The following EVL variants were observed in gnomAD, a reference collection of about 807,000 sequenced individuals.
EVL encodes the protein ena/VASP-like protein.
In EVL, 21 loss-of-function variants were observed where a neutral mutation model predicts 59.6. The ratio of observed to expected loss-of-function variants is 0.35; its 90% CI spans 0.25 to 0.51. The LOEUF (loss-of-function observed/expected upper bound fraction) is 0.51. Ranked by LOEUF, EVL falls within the 20% of genes least tolerant of loss-of-function variation. The pLI is 0.97. For synonymous variants in EVL, 198 were observed against 203.5 expected, an observed-to-expected ratio of 0.97 and a Z score of 0.23; for missense variants, 462 against 546.6, an observed-to-expected ratio of 0.85 and a Z score of 1.54.
intron 11 of EVL, chr14:100,140,777 TC>T (rs1889119174): frequency 6.1e-6 from 1 of 164,862 alleles, no homozygotes; most frequent in Non-Finnish European, 1.3e-5. Flanking sequence ...CGCTGCTGCT[TC>T]CCCGAGCCCC....
chr14:99,977,797 C>T (rs953329365), intron 1 of EVL, among the ~76,000 whole-genome samples: 9 of 151,738 alleles, frequency 5.9e-5, no homozygotes, highest in African/African-American at 2.2e-4. Flanking sequence ...TCTTTGGGAT[C>T]TAAAAAAGTC....
At chr14:100,020,091 G>A (rs2061094677) in intron 1 of EVL, among the ~76,000 whole-genome samples, 1 of 152,186 alleles carries the variant, frequency 6.6e-6, no homozygotes, top group African/African-American at 2.4e-5. Flanking sequence ...GCTGATTGTA[G>A]CAGTGAAGGT....
In EVL at chr14:100,127,927, C is replaced by T. The variant is rs982403868; in HGVS notation, c.488-592C>T. On this transcript the variant is annotated intron_variant, in intron 5 of 13. Transcript: ENST00000392920. This position sits in a 1 kb window ranked among gnomAD's most constrained non-coding sequence, Gnocchi z 4.2. Reference sequence around the variant, plus strand: ...GAGCAGAGAGCTTGTGGCTGGTTTTCCTCAGCACCATACCCAGCACCTAGC... The same window carrying T: ...GAGCAGAGAGCTTGTGGCTGGTTTTTCTCAGCACCATACCCAGCACCTAGC... 6.6e-6 allele frequency among the ~76,000 whole-genome samples: 1 copy of T among 152,236 alleles called. No homozygotes were observed.
At chr14:100,118,545 G>T (rs1401947159) in intron 3 of EVL, among the ~76,000 whole-genome samples, 1 of 152,218 alleles carries the variant, frequency 6.6e-6, no homozygotes, top group Admixed American at 6.5e-5. Context: ...CCAAACGCCT[G>T]TAGTGTGTCC....
chr14:100,068,901 A>G (rs1347724752), intron 1 of EVL, among the ~76,000 whole-genome samples: 1 of 152,074 alleles, frequency 6.6e-6, no homozygotes, highest in Non-Finnish European at 1.5e-5. Context: ...TGGATGTGTG[A>G]TATGTCTGCC....
At chr14:100,031,649 T>C (rs1190983) in intron 1 of EVL, among the ~76,000 whole-genome samples, 93,798 of 152,010 alleles carry the variant, frequency 0.62, 32,406 homozygotes, top group Non-Finnish European at 0.76. Context: ...CACTGGGCTC[T>C]TCAGGGCATT....
At chr14:100,065,797 CATT>C (rs1027158889) in intron 1 of EVL, among the ~76,000 whole-genome samples, 1 of 152,160 alleles carries the variant, frequency 6.6e-6, no homozygotes, top group Admixed American at 6.5e-5. Context: ...ACCTGCCTCT[CATT>C]ATAGGGAGGA....
At chr14:99,990,541 C>G (rs567794445) in intron 1 of EVL, among the ~76,000 whole-genome samples, 36 of 152,228 alleles carry the variant, frequency 2.4e-4, no homozygotes, top group African/African-American at 8.7e-4. Context: ...TTTCTTCTTT[C>G]CGTTTCTATG....
intron 3 of EVL, among the ~76,000 whole-genome samples, chr14:100,115,057 CAA>C (rs1887248972): frequency 6.8e-6 from 1 of 147,374 alleles, no homozygotes; most frequent in African/African-American, 2.5e-5. Flanking sequence ...AAAAAAAAAA[CAA>C]TGCAGTTATG....
chr14:100,003,327 C>T (rs1036418368), intron 1 of EVL, among the ~76,000 whole-genome samples: 8 of 152,160 alleles, frequency 5.3e-5, no homozygotes, highest in Non-Finnish European at 1.5e-5. Context: ...ACCCAGGAGT[C>T]AAAGCCCTGT....
chr14:100,120,937 C>T (rs1022118837), intron 3 of EVL, among the ~76,000 whole-genome samples: 4 of 152,150 alleles, frequency 2.6e-5, no homozygotes, highest in Admixed American at 6.5e-5. Flanking sequence ...AACAAGACTC[C>T]GTTACCTAAC....
At chr14:100,055,196 T>TA (rs34987173) in intron 1 of EVL, among the ~76,000 whole-genome samples, 11,893 of 139,702 alleles carry the variant, frequency 0.085, 705 homozygotes, top group East Asian at 0.19. Context: ...TGAGACTCCT[T>TA]AAAAAAAAAA....
intron 1 of EVL, among the ~76,000 whole-genome samples, chr14:100,058,188 G>C (rs1466915027): frequency 1.3e-5 from 2 of 152,208 alleles, no homozygotes; most frequent in Admixed American, 1.3e-4. Flanking sequence ...TTCTAGTATA[G>C]CTCTGTGATT....
At chr14:100,129,891 T>G (rs1369242322) in intron 7 of EVL, among the ~76,000 whole-genome samples, 1 of 152,242 alleles carries the variant, frequency 6.6e-6, no homozygotes, top group African/African-American at 2.4e-5. Flanking sequence ...CTCCAGATCC[T>G]TCATTTTAGC....
At chr14:100,044,063 T>G (rs773688292) in intron 1 of EVL, among the ~76,000 whole-genome samples, 1 of 152,166 alleles carries the variant, frequency 6.6e-6, no homozygotes, top group Non-Finnish European at 1.5e-5. Context: ...GGAAACACCC[T>G]CAGAGGCACA....
chr14:99,994,233 A>G (rs1412510344), intron 1 of EVL, among the ~76,000 whole-genome samples: 2 of 145,438 alleles, frequency 1.4e-5, no homozygotes, highest in South Asian at 2.1e-4. Context: ...CAACCAATCT[A>G]TGTCTTTTAA....
intron 3 of EVL, among the ~76,000 whole-genome samples, chr14:100,122,668 C>T (rs968421306): frequency 6.6e-5 from 10 of 152,204 alleles, no homozygotes; most frequent in African/African-American, 2.4e-4. Flanking sequence ...GCAGCCTGCC[C>T]AGAGTCCCTC....
intron 1 of EVL, among the ~76,000 whole-genome samples, chr14:100,034,584 A>G (rs1223717415): frequency 6.6e-6 from 1 of 152,092 alleles, no homozygotes; most frequent in Admixed American, 6.5e-5. Context: ...CCAAAAAAAA[A>G]AAATTAACCG....
At chr14:100,051,568 G>A (rs2061648068) in intron 1 of EVL, among the ~76,000 whole-genome samples, 1 of 152,104 alleles carries the variant, frequency 6.6e-6, no homozygotes, top group Non-Finnish European at 1.5e-5. Context: ...CAGTCTTGAA[G>A]CATTCATTGG....
Sources: allele counts gnomAD v4.1 joint callset (sites outside exome capture counted in the v4.1 genomes callset), GRCh38; gene constraint gnomAD v4.1.1; non-coding constraint Gnocchi (gnomAD v3.1); transcripts MANE v1.5; gene names NCBI Gene and HGNC (gene_info 2026-07-23, HGNC 2026-07-21).